Variants in RGL1 observed in about 807,000 individuals in gnomAD.
RGL1 encodes the protein ral guanine nucleotide dissociation stimulator-like 1.
A neutral mutation model predicts 95.2 loss-of-function variants in RGL1; 24 were observed. The observed-to-expected ratio is 0.25, with a 90% confidence interval of 0.18 to 0.35. The LOEUF (loss-of-function observed/expected upper bound fraction) is 0.35. Ranked by LOEUF, RGL1 falls within the 10% of genes least tolerant of loss-of-function variation. The pLI is 1.00. For missense variants in RGL1, 715 were observed against 936.3 expected (o/e 0.76, Z 3.08); for synonymous variants, 329 against 344.9 (o/e 0.95, Z 0.51).
chr1:183,666,066 C>T (rs1400717591), intron 1 of RGL1, among the ~76,000 whole-genome samples: 2 of 142,704 alleles, frequency 1.4e-5, no homozygotes, highest in African/African-American at 2.6e-5. Flanking sequence ...AGTGCAATGG[C>T]GTGATCTCGG....
chr1:183,832,138 C>A (rs1481918569), intron 2 of RGL1, among the ~76,000 whole-genome samples: 1 of 152,024 alleles, frequency 6.6e-6, no homozygotes, highest in South Asian at 2.1e-4. Context: ...TTACTCATAC[C>A]CAGTTATGGA....
At chr1:183,736,507 G>A (rs1224777328) in intron 1 of RGL1, among the ~76,000 whole-genome samples, 1 of 152,178 alleles carries the variant, frequency 6.6e-6, no homozygotes, top group Non-Finnish European at 1.5e-5. Context: ...AGTGCACTTT[G>A]CATTAGGCAA....
intron 1 of RGL1, among the ~76,000 whole-genome samples, chr1:183,662,862 A>G (rs1651745503): frequency 6.6e-6 from 1 of 152,200 alleles, no homozygotes; most frequent in African/African-American, 2.4e-5. Flanking sequence ...ACCAAAACAG[A>G]GACATAGATC....
Position 183,724,112 on chromosome 1 carries a change from C to A in RGL1, c.-32-18014C>A, listed in dbSNP as rs983503132. Among the ~76,000 whole-genome samples, 5 of 152,184 alleles carry A rather than the reference C, an allele frequency of 3.3e-5. No individual in the cohort carries two copies. The highest frequency in any genetic ancestry group is 1.2e-4 in the African/African-American group (5 of 41,440). On this transcript the variant is annotated intron_variant, in intron 1 of 18. Transcript: ENST00000304685. This position sits in a 1 kb window ranked among gnomAD's most constrained non-coding sequence, Gnocchi z 4.1. ...AGAGCCCAGTCCTGGCAAGATTCAT[C>A]ATTTGCTAGCAAAAGAGCTCTTGAA...
intron 1 of RGL1, among the ~76,000 whole-genome samples, chr1:183,737,162 A>G (rs1264668894): frequency 6.6e-6 from 1 of 152,226 alleles, no homozygotes; most frequent in Admixed American, 6.5e-5. Flanking sequence ...AAGGGCATCC[A>G]TGGAAGTGAT....
chr1:183,872,889 T>G (rs970763881), intron 4 of RGL1, among the ~76,000 whole-genome samples: 10 of 152,120 alleles, frequency 6.6e-5, no homozygotes, highest in Non-Finnish European at 1.5e-5. Flanking sequence ...AAAACTCCAA[T>G]TTAGAAGAAT....
chr1:183,809,478 T>A (rs1661555186), intron 2 of RGL1, among the ~76,000 whole-genome samples: 2 of 152,310 alleles, frequency 1.3e-5, no homozygotes, highest in East Asian at 1.9e-4. Context: ...CCATTGACGG[T>A]GAGATTATAT....
At chr1:183,856,547 TG>T (rs143414452) in intron 3 of RGL1, among the ~76,000 whole-genome samples, 13,664 of 151,418 alleles carry the variant, frequency 0.09, 640 homozygotes, top group Admixed American at 0.11. Flanking sequence ...TGTTCAGTTT[TG>T]GTCCACACAC....
At chr1:183,805,024 T>C (rs758537815), upstream of RGL1, 7 of 340,242 alleles carry the variant, frequency 2.1e-5, no homozygotes, top group South Asian at 2.8e-4. Flanking sequence ...AAAGGGAGAG[T>C]GTGCTCACAA....
intron 11 of RGL1, 68 bp downstream of exon 11, chr1:183,900,304 A>C (rs1667942496): frequency 7.9e-7 from 1 of 1,264,798 alleles, no homozygotes; most frequent in Admixed American, 1.7e-5. Flanking sequence ...AGAGTAGTTA[A>C]CTTCTCTTAG....
chr1:183,748,474 C>T (rs528095251), intron 2 of RGL1, among the ~76,000 whole-genome samples: 12 of 134,700 alleles, frequency 8.9e-5, no homozygotes, highest in East Asian at 2.3e-4. Context: ...GGCACGATCT[C>T]GGCTCACTGC....
At chr1:183,684,517 T>C (rs947521788) in intron 1 of RGL1, among the ~76,000 whole-genome samples, 14 of 152,172 alleles carry the variant, frequency 9.2e-5, no homozygotes, top group African/African-American at 3.1e-4. Context: ...GATCTTAGCT[T>C]TCTGGGCTTC....
At chr1:183,719,193 C>T (rs1043549631) in intron 1 of RGL1, among the ~76,000 whole-genome samples, 1 of 152,214 alleles carries the variant, frequency 6.6e-6, no homozygotes, top group African/African-American at 2.4e-5. Context: ...GCAAACTACA[C>T]TATTCATTTC....
At chr1:183,812,438 C>T (rs1661791713) in intron 2 of RGL1, among the ~76,000 whole-genome samples, 1 of 152,168 alleles carries the variant, frequency 6.6e-6, no homozygotes, top group South Asian at 2.1e-4. Flanking sequence ...ATGATTCTGT[C>T]ATTTGCATTT....
intron 8 of RGL1, among the ~76,000 whole-genome samples, chr1:183,889,281 T>G (rs149961712): frequency 9.2e-5 from 14 of 152,230 alleles, no homozygotes; most frequent in African/African-American, 2.9e-4. Flanking sequence ...CACTACAGAT[T>G]TAGAGGCTGG....
chr1:183,692,253 A>G (rs1234327649), intron 1 of RGL1, among the ~76,000 whole-genome samples: 1 of 152,240 alleles, frequency 6.6e-6, no homozygotes, highest in Non-Finnish European at 1.5e-5. Flanking sequence ...TATTGGCCTC[A>G]TGGCCATTCC....
chr1:183,845,539 G>A (rs551770934), intron 2 of RGL1, among the ~76,000 whole-genome samples: 16 of 152,188 alleles, frequency 1.1e-4, no homozygotes, highest in African/African-American at 3.6e-4. Context: ...GCTGCTTCTC[G>A]TGAGTAAATG....
At chr1:183,907,819 G>A (rs1305355393) in intron 14 of RGL1, among the ~76,000 whole-genome samples, 1 of 151,986 alleles carries the variant, frequency 6.6e-6, no homozygotes, top group African/African-American at 2.4e-5. Flanking sequence ...GTGAGATCCT[G>A]TCTCTACAAA....
intron 15 of RGL1, among the ~76,000 whole-genome samples, chr1:183,914,620 G>A (rs1668853600): frequency 6.6e-6 from 1 of 152,172 alleles, no homozygotes; most frequent in Admixed American, 6.5e-5. Context: ...TCTTAAGGGT[G>A]AAGTGTAATT....
Sources: allele counts gnomAD v4.1 joint callset (sites outside exome capture counted in the v4.1 genomes callset), GRCh38; gene constraint gnomAD v4.1.1; non-coding constraint Gnocchi (gnomAD v3.1); transcripts MANE v1.5; gene names NCBI Gene and HGNC (gene_info 2026-07-23, HGNC 2026-07-21).